The following ABHD2 variants were observed in gnomAD, a reference collection of about 807,000 sequenced individuals.
ABHD2 encodes the protein abhydrolase domain containing 2, acylglycerol lipase.
ABHD2 carries 20 observed loss-of-function variants against 48.1 expected under a neutral mutation model. The observed-to-expected ratio is 0.42, with a 90% CI of 0.29 to 0.60. The LOEUF (loss-of-function observed/expected upper bound fraction) is 0.60. Ranked by LOEUF, ABHD2 falls within the 20% of genes least tolerant of loss-of-function variation. The probability of loss-of-function intolerance (pLI) is 0.24; values close to 1 mark genes in which losing one functional copy is unlikely to be tolerated. For synonymous variants in ABHD2, 209 were observed against 214.2 expected (o/e 0.98, Z 0.21); for missense variants, 405 against 550.9 (o/e 0.74, Z 2.65).
chr15:89,072,556 G>A, the ABHD2 span, among the ~76,000 whole-genome samples: 62,253 of 141,062 alleles, frequency 0.44, 16,206 homozygotes, highest in Non-Finnish European at 0.59. Flanking sequence ...ATGAGCAGGA[G>A]GGGGAGAGGA....
At position 89,094,866 on chromosome 15, in the gene ABHD2, C is replaced by T. The variant is rs967132885; in HGVS notation, c.-107+6303C>T. Among the ~76,000 whole-genome samples the T allele has an allele frequency of 2.0e-5, 3 of 151,806 alleles. No individual in the cohort carries two copies. Among genetic ancestry groups the T allele is most frequent in the African/African-American group, 7.3e-5 (3 of 41,296 alleles). ...TCACTTGAGACCAGGAGTTCGAGAC[C>T]AGCCTGGCCAACATGATGAAACCCC... is the stretch of plus-strand genomic sequence containing the variant. On this transcript the variant is annotated intron_variant, in intron 1 of 10. Coordinates refer to ENST00000352732, the MANE Select transcript of ABHD2 (RefSeq NM_152924.5). This position sits in a 1 kb window ranked among gnomAD's most constrained non-coding sequence, Gnocchi z 4.7.
Position 89,137,016 on chromosome 15 carries a change from A to T in ABHD2, c.195-14661A>T, listed in dbSNP as rs900365038. Among the ~76,000 whole-genome samples the T allele has an allele frequency of 6.6e-6, 1 of 152,186 alleles. No individual in the cohort carries two copies. Among genetic ancestry groups the T allele is most frequent in the African/African-American group, 2.4e-5 (1 of 41,440 alleles). ...CACAGAGTGAGTCTGGGAACTTTGC[A>T]CTTAGCACCTTGGCAGCCCAGGTCT... On this transcript the variant is annotated intron_variant, in intron 3 of 10. Coordinates refer to ENST00000352732, the MANE Select transcript of ABHD2 (RefSeq NM_152924.5). This position sits in a 1 kb window ranked among gnomAD's most constrained non-coding sequence, Gnocchi z 4.8.
Position 89,116,309 on chromosome 15 carries a change from C to T in ABHD2, c.-6-13C>T, listed in dbSNP as rs986240366. 4 of 1,608,316 alleles carry T rather than the reference C, an allele frequency of 2.5e-6. No homozygotes were observed. The highest frequency in any genetic ancestry group is 1.7e-4 in the Middle Eastern group (1 of 5,956). On this transcript the variant is annotated splice_polypyrimidine_tract_variant and intron_variant, in intron 2 of 10. Coordinates refer to ENST00000352732, the MANE Select transcript of ABHD2 (RefSeq NM_152924.5). The surrounding 1 kb of genome is among the most constrained non-coding windows in gnomAD (Gnocchi z 4.6). ...TGTGCTTGTAAACTTAGACCTGTGC[C>T]TCTGCTCCCCAGATCAAGATGAATG...
intron 3 of ABHD2, among the ~76,000 whole-genome samples, chr15:89,141,525 C>T (rs2050402573): frequency 6.6e-6 from 1 of 152,088 alleles, no homozygotes; most frequent in Non-Finnish European, 1.5e-5. Context: ...CCCAGCTACC[C>T]AGGAGGCTGA....
intron 6 of ABHD2, chr15:89,183,378 AAAAAAAATATATATATAT>A (rs2051146790): frequency 1.7e-5 from 1 of 59,550 alleles, no homozygotes; most frequent in African/African-American, 1.2e-4. Context: ...CAAAAAAAAA[AAAAAAAATATATATATAT>A]ATATATATAT....
the ABHD2 span, among the ~76,000 whole-genome samples, chr15:89,054,574 G>C: frequency 3.3e-5 from 5 of 152,010 alleles, no homozygotes; most frequent in African/African-American, 9.7e-5. Context: ...CCAGCTACTT[G>C]GAAGACCGAG....
In ABHD2 at chr15:89,146,293, A is replaced by G. The variant is rs55907033; in HGVS notation, c.195-5384A>G. Among the ~76,000 whole-genome samples, 1 of 150,598 alleles carries G rather than the reference A, an allele frequency of 6.6e-6. No individual in the cohort carries two copies. Among genetic ancestry groups the G allele is most frequent in the Admixed American group, 6.6e-5 (1 of 15,094 alleles). ...GAGCATCAGTCAACTTTATTTTTTCAACTCTCTTTTTAAAACACCAGCTGT... is the reference window on the plus strand; with the variant it reads ...GAGCATCAGTCAACTTTATTTTTTCGACTCTCTTTTTAAAACACCAGCTGT... On this transcript the variant is annotated intron_variant, in intron 3 of 10. Transcript: ENST00000352732. This position sits in a 1 kb window ranked among gnomAD's most constrained non-coding sequence, Gnocchi z 4.2.
chr15:89,182,587 T>G lies in ABHD2; in HGVS notation c.723-2837T>G, dbSNP rs1023601718. 6.6e-6 allele frequency among the ~76,000 whole-genome samples: 1 copy of G among 152,132 alleles called. No homozygotes were observed. The highest frequency in any genetic ancestry group is 2.4e-5 in the African/African-American group (1 of 41,410). On this transcript the variant is annotated intron_variant, in intron 6 of 10. Transcript: ENST00000352732. This position sits in a 1 kb window ranked among gnomAD's most constrained non-coding sequence, Gnocchi z 4.8. ...AGAGATCACTTGAGGTCAGGAGTTC[T>G]AGACCACCCTGGCCAACATGACGAA...
intron 1 of ABHD2, among the ~76,000 whole-genome samples, chr15:89,112,826 G>A (rs2150807894): frequency 6.6e-6 from 1 of 152,270 alleles, no homozygotes; most frequent in African/African-American, 2.4e-5. Context: ...GGCCAGATAT[G>A]AAAGCTGGCT....
Position 89,188,446 on chromosome 15 carries a change from G to A in ABHD2, c.926+143G>A, listed in dbSNP as rs2051250133. On this transcript the variant is annotated intron_variant, in intron 8 of 10. Transcript: ENST00000352732. This position sits in a 1 kb window ranked among gnomAD's most constrained non-coding sequence, Gnocchi z 4.1. Reference sequence around the variant, plus strand: ...TTTTCCCTTTAAGTAAGTGTCTAGTGCTTAAAAACAGAAGATTTCACAGGA... The same window carrying A: ...TTTTCCCTTTAAGTAAGTGTCTAGTACTTAAAAACAGAAGATTTCACAGGA... 3 of 617,640 alleles carry A rather than the reference G, an allele frequency of 4.9e-6. No individual in the cohort carries two copies. The South Asian group carries it at 6.5e-5, about 13-fold the overall frequency. 38.3% of individuals were successfully genotyped at this position (617,640 alleles called of 1,614,324 possible).
At chr15:89,111,740 T>C (rs1388804334) in intron 1 of ABHD2, among the ~76,000 whole-genome samples, 2 of 152,216 alleles carry the variant, frequency 1.3e-5, no homozygotes, top group African/African-American at 4.8e-5. Flanking sequence ...CATTCACCAG[T>C]CTTATACATT....
Position 89,092,944 on chromosome 15 carries a change from C to G in ABHD2, c.-107+4381C>G, listed in dbSNP as rs1421247428. On this transcript the variant is annotated intron_variant, in intron 1 of 10. Coordinates refer to ENST00000352732, the MANE Select transcript of ABHD2 (RefSeq NM_152924.5). The surrounding 1 kb of genome is among the most constrained non-coding windows in gnomAD (Gnocchi z 4.4). Reference sequence around the variant, plus strand: ...TGAATATTTGGAGGCAAATATTTTTCTTTTCTGTGAGAGCCCGGGGGAGGT... The same window carrying G: ...TGAATATTTGGAGGCAAATATTTTTGTTTTCTGTGAGAGCCCGGGGGAGGT... Among the ~76,000 whole-genome samples the G allele has an allele frequency of 6.6e-6, 1 of 152,052 alleles. No homozygotes were observed. Among genetic ancestry groups the G allele is most frequent in the Non-Finnish European group, 1.5e-5 (1 of 68,008 alleles).
chr15:89,139,672 C>T (rs1180792267), intron 3 of ABHD2, among the ~76,000 whole-genome samples: 1 of 152,206 alleles, frequency 6.6e-6, no homozygotes, highest in Non-Finnish European at 1.5e-5. Context: ...TGTTGTCACT[C>T]TGAAAACAAA....
chr15:89,149,292 G>T (rs1036040081), intron 3 of ABHD2, among the ~76,000 whole-genome samples: 1 of 152,062 alleles, frequency 6.6e-6, no homozygotes, highest in African/African-American at 2.4e-5. Flanking sequence ...TGTTAGGTAG[G>T]CTGGAAAGAG....
the ABHD2 span, among the ~76,000 whole-genome samples, chr15:89,065,801 G>A: frequency 6.6e-6 from 1 of 152,200 alleles, no homozygotes; most frequent in Non-Finnish European, 1.5e-5. Context: ...ACAGCACTCT[G>A]CTTGCTTCTG....
rs1440379522 is a variant in ABHD2, at chr15:89,106,700, GGT to G, written c.-106-7023_-106-7022del. Among the ~76,000 whole-genome samples the G allele has an allele frequency of 6.6e-6, 1 of 152,176 alleles. No homozygotes were observed. The highest frequency in any genetic ancestry group is 2.4e-5 in the African/African-American group (1 of 41,438). On this transcript the variant is annotated intron_variant, in intron 1 of 10. Coordinates refer to ENST00000352732, the MANE Select transcript of ABHD2 (RefSeq NM_152924.5). The surrounding 1 kb of genome is among the most constrained non-coding windows in gnomAD (Gnocchi z 4.2). ...TAAATGGCAGATAAAGTGGGGAGAAGGTGGCCCATTTCCTCCTTACTTTCTCT... is the reference window on the plus strand; with the variant it reads ...TAAATGGCAGATAAAGTGGGGAGAAGGGCCCATTTCCTCCTTACTTTCTCT...
At chr15:89,058,915 C>G in the ABHD2 span, among the ~76,000 whole-genome samples, 1 of 152,198 alleles carries the variant, frequency 6.6e-6, no homozygotes, top group African/African-American at 2.4e-5. Flanking sequence ...ATTTCTCTCT[C>G]AAGGGATGGA....
In ABHD2 at chr15:89,137,733, G is replaced by A. The variant is rs2050338128; in HGVS notation, c.195-13944G>A. ...AATTTGCCTCCAGTGAGGGGAAAAT[G>A]CTGTGTTCAAAGTGGATTTCTGATG... On this transcript the variant is annotated intron_variant, in intron 3 of 10. Transcript: ENST00000352732. This position sits in a 1 kb window ranked among gnomAD's most constrained non-coding sequence, Gnocchi z 4.8. 1.3e-5 allele frequency among the ~76,000 whole-genome samples: 2 copies of A among 152,360 alleles called. No individual in the cohort carries two copies. Among genetic ancestry groups the A allele is most frequent in the South Asian group, 2.1e-4 (1 of 4,832 alleles).
intron 5 of ABHD2, among the ~76,000 whole-genome samples, chr15:89,160,136 TAATA>T (rs1423807467): frequency 6.6e-6 from 1 of 152,254 alleles, no homozygotes; most frequent in Non-Finnish European, 1.5e-5. Context: ...ATAAAGTTTT[TAATA>T]AATGTTTTCC....
Sources: allele counts gnomAD v4.1 joint callset (sites outside exome capture counted in the v4.1 genomes callset), GRCh38; gene constraint gnomAD v4.1.1; non-coding constraint Gnocchi (gnomAD v3.1); transcripts MANE v1.5; gene names NCBI Gene and HGNC (gene_info 2026-07-23, HGNC 2026-07-21).